Variants in PDE4D observed in about 807,000 individuals in gnomAD.
PDE4D encodes phosphodiesterase 4D.
Under a neutral mutation model 87.4 loss-of-function variants are expected in PDE4D, and 24 were observed. The observed-to-expected ratio is 0.27, with a 90% confidence interval of 0.20 to 0.39. The LOEUF (loss-of-function observed/expected upper bound fraction) is 0.39. Ranked by LOEUF, PDE4D falls within the 10% of genes least tolerant of loss-of-function variation. PDE4D has a pLI of 1.00. For synonymous variants in PDE4D, 384 were observed against 383.2 expected, an observed-to-expected ratio of 1.00 and a Z score of -0.02; for missense variants, 714 against 1,041.0, an observed-to-expected ratio of 0.69 and a Z score of 4.32.
At chr5:59,214,343 C>T (rs1750769156) in intron 2 of PDE4D, among the ~76,000 whole-genome samples, 1 of 152,144 alleles carries the variant, frequency 6.6e-6, no homozygotes, top group Admixed American at 6.6e-5. Flanking sequence ...TTTCTTCTCT[C>T]TTGCCAGGTT....
intron 1 of PDE4D, among the ~76,000 whole-genome samples, chr5:60,445,529 T>G (rs1021877275): frequency 6.6e-6 from 1 of 151,932 alleles, no homozygotes; most frequent in African/African-American, 2.4e-5. Context: ...TGGAAGAAAA[T>G]GTAGGAAAAG....
chr5:59,138,969 A>G (rs1777520598), intron 5 of PDE4D, among the ~76,000 whole-genome samples: 1 of 152,028 alleles, frequency 6.6e-6, no homozygotes, highest in Middle Eastern at 3.4e-3. Flanking sequence ...TAGCTATCTC[A>G]AGGGGCAAGT....
intron 6 of PDE4D, among the ~76,000 whole-genome samples, chr5:59,028,417 A>G (rs1246870769): frequency 2.0e-5 from 3 of 151,018 alleles, no homozygotes; most frequent in Non-Finnish European, 4.4e-5. Flanking sequence ...AAATAATAAA[A>G]TAAAAACTAA....
At chr5:60,330,588 C>G (rs1757233538) in intron 1 of PDE4D, among the ~76,000 whole-genome samples, 1 of 152,112 alleles carries the variant, frequency 6.6e-6, no homozygotes, top group Non-Finnish European at 1.5e-5. Context: ...GAACTACAGC[C>G]CAGACAAGCA....
intron 1 of PDE4D, among the ~76,000 whole-genome samples, chr5:59,247,233 T>G (rs2153527073): frequency 6.6e-6 from 1 of 152,292 alleles, no homozygotes; most frequent in Non-Finnish European, 1.5e-5. Context: ...CTGAACTCAT[T>G]AATGACACAT....
At chr5:59,389,741 G>T (rs865776507) in intron 1 of PDE4D, among the ~76,000 whole-genome samples, 4 of 152,026 alleles carry the variant, frequency 2.6e-5, no homozygotes, top group African/African-American at 7.2e-5. Context: ...TAAGTGAAAT[G>T]AGCCAGGCAC....
At chr5:59,110,848 G>A (rs1263591816) in intron 5 of PDE4D, among the ~76,000 whole-genome samples, 1 of 151,938 alleles carries the variant, frequency 6.6e-6, no homozygotes, top group Non-Finnish European at 1.5e-5. Context: ...CCCCAGACTG[G>A]GCATCAGAGC....
intron 1 of PDE4D, among the ~76,000 whole-genome samples, chr5:60,189,213 T>C (rs1388080965): frequency 6.6e-6 from 1 of 151,972 alleles, no homozygotes; most frequent in Non-Finnish European, 1.5e-5. Flanking sequence ...ATAGAGGAGG[T>C]GGATAAGACA....
At chr5:60,210,754 A>ATTTT (rs36007402) in intron 1 of PDE4D, among the ~76,000 whole-genome samples, 4 of 145,912 alleles carry the variant, frequency 2.7e-5, no homozygotes, top group African/African-American at 1.0e-4. Context: ...GGGTTTCCTA[A>ATTTT]TTTTTTTTTT....
intron 6 of PDE4D, among the ~76,000 whole-genome samples, chr5:59,005,888 G>A (rs1050078754): frequency 1.3e-5 from 2 of 152,166 alleles, no homozygotes; most frequent in African/African-American, 4.8e-5. Context: ...TAAACAGTAT[G>A]AATCTAGGAG....
chr5:59,078,662 C>T (rs912978923), intron 5 of PDE4D, among the ~76,000 whole-genome samples: 3 of 152,016 alleles, frequency 2.0e-5, no homozygotes, highest in Non-Finnish European at 4.4e-5. Flanking sequence ...GCACATGCCA[C>T]CATGCCCAGC....
At chr5:59,423,054 G>T (rs1271066320) in intron 1 of PDE4D, among the ~76,000 whole-genome samples, 2 of 152,208 alleles carry the variant, frequency 1.3e-5, no homozygotes, top group Admixed American at 6.5e-5. Flanking sequence ...GAATTATTGG[G>T]TTAATTAGCA....
chr5:60,462,317 G>T (rs1299444775), intron 1 of PDE4D, among the ~76,000 whole-genome samples: 5 of 152,070 alleles, frequency 3.3e-5, no homozygotes, highest in Non-Finnish European at 5.9e-5. Context: ...GTGTTCATGG[G>T]CAGCTAGTGG....
chr5:59,028,763 G>A (rs1756710334), intron 6 of PDE4D, among the ~76,000 whole-genome samples: 2 of 152,024 alleles, frequency 1.3e-5, no homozygotes, highest in African/African-American at 4.8e-5. Flanking sequence ...GGGTAAAGAA[G>A]GAAAAATGTT....
At chr5:59,592,763 A>G (rs1826089076) in intron 1 of PDE4D, among the ~76,000 whole-genome samples, 1 of 152,098 alleles carries the variant, frequency 6.6e-6, no homozygotes, top group South Asian at 2.1e-4. Context: ...TTAAGAATCA[A>G]AAGTGGAAAA....
intron 3 of PDE4D, among the ~76,000 whole-genome samples, chr5:59,908,570 A>G (rs1383605449): frequency 1.3e-5 from 2 of 152,178 alleles, no homozygotes; most frequent in Non-Finnish European, 2.9e-5. Flanking sequence ...AGATGTTCGC[A>G]TATGTTTGTT....
chr5:59,199,378 C>A (rs559123122), intron 2 of PDE4D, among the ~76,000 whole-genome samples: 1 of 151,938 alleles, frequency 6.6e-6, no homozygotes, highest in East Asian at 1.9e-4. Context: ...CAGGTGTGCA[C>A]CACCGCGCTG....
chr5:60,293,154 GA>G (rs908146372), intron 1 of PDE4D, among the ~76,000 whole-genome samples: 7 of 151,548 alleles, frequency 4.6e-5, no homozygotes, highest in Admixed American at 4.6e-4. Context: ...AAAAATTGAT[GA>G]ACTATTTCAT....
At chr5:59,516,595 C>T (rs1260742051) in intron 1 of PDE4D, among the ~76,000 whole-genome samples, 3 of 151,982 alleles carry the variant, frequency 2.0e-5, no homozygotes, top group Non-Finnish European at 4.4e-5. Flanking sequence ...TTCTTTTCTT[C>T]GGGAGAAGAT....
Sources: gnomAD v4.1 joint callset for allele counts (sites outside exome capture counted in the v4.1 genomes callset) on GRCh38, gnomAD v4.1.1 for gene constraint, MANE v1.5 for transcripts, NCBI Gene and HGNC (gene_info 2026-07-23, HGNC 2026-07-21) for gene names.